Variants in PLOD3 observed in about 807,000 individuals in gnomAD.
PLOD3 encodes multifunctional procollagen lysine hydroxylase and glycosyltransferase LH3.
A neutral mutation model predicts 96.9 loss-of-function variants in PLOD3; 73 were observed. The ratio of observed to expected loss-of-function variants is 0.75; its 90% CI spans 0.62 to 0.92. The LOEUF is 0.92. PLOD3 is among the 40% of genes least tolerant of loss of function. The pLI, the probability that PLOD3 is intolerant of heterozygous loss-of-function variation, is 0.00. For missense variants in PLOD3, 1,004 were observed against 1,004.3 expected (o/e 1.00, Z 0.00); for synonymous variants, 454 against 413.7 (o/e 1.10, Z -1.18).
chr7:101,211,630 C>T lies in PLOD3; in HGVS notation c.1319G>A (p.Arg440His), dbSNP rs368088563. The change falls in exon 12 of 19, where the codon CGC (arginine) becomes CAC (histidine). Residue 440 changes from arginine to histidine, a missense_variant. Around this residue, in one of 5 missense-constraint regions of PLOD3, gnomAD observed 690 missense variants for 650.2 expected, o/e 1.06. Transcript: ENST00000223127. The part of the protein sequence containing the change: ...GALSPDEYYA[R>H]SEDYVELVQR... ...CACCAGCTCCACGTAGTCCTCGGAG[C>T]GGGCGTAGTACTCATCGGGGCTCAG... 3.1e-5 allele frequency: 49 copies of T among 1,606,276 alleles called. No homozygotes were observed. Among genetic ancestry groups the T allele is most frequent in the South Asian group, 4.5e-5 (4 of 89,536 alleles).
At chr7:101,209,503 G>A (rs149056229) in intron 15 of PLOD3, among the ~76,000 whole-genome samples, 4,330 of 150,002 alleles carry the variant, frequency 0.029, 223 homozygotes, top group African/African-American at 0.1. Flanking sequence ...TCAGCCTCCC[G>A]AGTAGCTGGG....
rs1260656876 is a variant in PLOD3 at position 101,209,572 on chromosome 7, T to C, written c.1683+521A>G. 1.9e-5 allele frequency among the ~76,000 whole-genome samples: 2 copies of C among 105,586 alleles called. 1 individual carries two copies. The highest frequency in any genetic ancestry group is 9.2e-3 in the Middle Eastern group (2 of 218). 69.3% of individuals were successfully genotyped at this position (105,586 alleles called of 152,430 possible). A position where few individuals can be genotyped will look rare whatever the true frequency, so the allele number is the denominator to read the frequency against. ...TTTGTGTTTTTTTTTTTTTTTTTTTTGGTAGAGACAGGATTTGCCATGTTG... is the reference window on the plus strand; with the variant it reads ...TTTGTGTTTTTTTTTTTTTTTTTTTCGGTAGAGACAGGATTTGCCATGTTG... On this transcript the variant is annotated intron_variant, in intron 15 of 18. Coordinates refer to ENST00000223127, the MANE Select transcript of PLOD3 (RefSeq NM_001084.5).
rs769232014 is a variant in PLOD3, at chr7:101,216,015, T to C, written c.508A>G (p.Ile170Val). The C allele has an allele frequency of 1.9e-6, 3 of 1,613,832 alleles. No individual in the cohort carries two copies. The highest frequency in any genetic ancestry group is 1.3e-5 in the African/African-American group (1 of 74,910). The part of the protein sequence containing the change: ...GKRFLNSGGF[I>V]GFATTIHQIV... ...TGGTGGATGGTGGTGGCAAAACCGA[T>C]GAATCCTGGCGGGGAGGGGGAGTGT... The change falls in exon 5 of 19, where the codon ATC becomes GTC. Residue 170 changes from isoleucine to valine, a missense_variant. Ile to Val is a conservative substitution (Grantham distance 29, BLOSUM62 3). Coordinates refer to ENST00000223127, the MANE Select transcript of PLOD3 (RefSeq NM_001084.5).
Position 101,216,155 on chromosome 7 carries a change from C to A in PLOD3, c.502+8G>T. 2 of 1,614,054 alleles carry A rather than the reference C, an allele frequency of 1.2e-6. No homozygotes were observed. The highest frequency in any genetic ancestry group is 1.7e-6 in the Non-Finnish European group (2 of 1,180,004). ...TGGCCCCTCTGCCTTGGGCACTCTGCCACTCACCACCAGAATTGAGGAAGC... is the reference window on the plus strand; with the variant it reads ...TGGCCCCTCTGCCTTGGGCACTCTGACACTCACCACCAGAATTGAGGAAGC... On this transcript the variant is annotated splice_region_variant and intron_variant, in intron 4 of 18. Transcript: ENST00000223127.
In PLOD3 at chr7:101,206,580, C is replaced by T. The variant is rs1039080429; in HGVS notation, c.2062-144G>A. 21 of 1,005,894 alleles carry T rather than the reference C, an allele frequency of 2.1e-5. 1 individual carries two copies. Among genetic ancestry groups the T allele is most frequent in the South Asian group, 1.5e-4 (11 of 72,840 alleles). 62.3% of individuals were successfully genotyped at this position (1,005,894 alleles called of 1,614,324 possible). On this transcript the variant is annotated intron_variant, in intron 18 of 18. Transcript: ENST00000223127. ...GGGAGATGGCAGATATGGCAGACAC[C>T]GGAGGCTGGGGTGCCTGCAGACAGG...
intron 5 of PLOD3, 72 bp from the exon 6 acceptor site, chr7:101,215,224 C>T: frequency 8.7e-7 from 1 of 1,154,946 alleles, no homozygotes; most frequent in Admixed American, 1.7e-5. Context: ...TCACTTTTCT[C>T]TCTCTTTTTT....
Position 101,210,225 on chromosome 7 carries a change from C to T in PLOD3, c.1615-64G>A. 3.4e-6 allele frequency: 5 copies of T among 1,480,422 alleles called. No homozygotes were observed. In the South Asian group the frequency reaches 4.7e-5, roughly 14 times the overall value. The allele number at this position is 1,480,422 out of a possible 1,614,324, so 91.7% of individuals were successfully genotyped here. A position where few individuals can be genotyped will look rare whatever the true frequency, so the allele number is the denominator to read the frequency against. On this transcript the variant is annotated intron_variant, in intron 14 of 18. Transcript: ENST00000223127. The stretch of plus-strand genomic sequence containing the variant: ...CTCGCTCCCAGCCCCCAGGGGACCG[C>T]CCCCTCCCACTCAGTGTCCTGCGCT...
intron 16 of PLOD3, among the ~76,000 whole-genome samples, chr7:101,208,156 G>A (rs879315897): frequency 3.9e-5 from 6 of 152,028 alleles, no homozygotes; most frequent in African/African-American, 1.2e-4. Context: ...GGAGTACTGC[G>A]GCATGATCAT....
Position 101,210,551 on chromosome 7 carries a change from C to T in PLOD3, c.1481G>A (p.Cys494Tyr). 1.2e-6 allele frequency: 2 copies of T among 1,614,240 alleles called. No individual in the cohort carries two copies. Among genetic ancestry groups the T allele is most frequent in the Middle Eastern group, 1.6e-4 (1 of 6,062 alleles). ...GSDTDPDMAF[C>Y]KSFRDKGIFL... ...GCTCACCTTGTCTCGAAAGCTCTTA[C>T]AGAAGGCCATGTCCGGGTCTGTGTC... Residue 494 changes from cysteine to tyrosine, a missense_variant, in exon 13 of 19, where the codon TGT becomes TAT. Physicochemically the swap from Cys to Tyr is radical, Grantham distance 194 (BLOSUM62 -2). Around this residue, in one of 5 missense-constraint regions of PLOD3, gnomAD observed 23 missense variants for 45.7 expected, o/e 0.50. Transcript: ENST00000223127.
chr7:101,208,492 C>T (rs1333101815), intron 16 of PLOD3: 4 of 348,546 alleles, frequency 1.1e-5, no homozygotes, highest in South Asian at 4.4e-5. Flanking sequence ...CCACCTGCCT[C>T]GGCCTCCCAA....
intron 18 of PLOD3, 68 bp from the exon 19 acceptor site, chr7:101,206,504 G>A (rs895726109): frequency 6.2e-6 from 9 of 1,454,262 alleles, no homozygotes; most frequent in African/African-American, 4.2e-5. Flanking sequence ...GCAGATACAC[G>A]GGGCAGGGCG....
intron 1 of PLOD3, 109 bp downstream of exon 1, chr7:101,217,057 C>T (rs2116813249): frequency 1.7e-6 from 2 of 1,205,362 alleles, no homozygotes; most frequent in Non-Finnish European, 1.1e-6. Flanking sequence ...GCACGCTGGG[C>T]GGGGGACGGG....
At chr7:101,206,459 A>T (rs1375279443) in intron 18 of PLOD3, 23 bp from the exon 19 acceptor site, 1 of 1,574,810 alleles carries the variant, frequency 6.3e-7, no homozygotes, top group Admixed American at 1.9e-5. Flanking sequence ...GGGAAAGGAA[A>T]CATGGAGTGA....
Position 101,215,154 on chromosome 7 carries a change from TA to T in PLOD3, c.616-3del. ...ATCCAGATTAAGGCTGAGTTTCTCCTAAATGGAATGAGATGCGATGGAGTGG... is the reference window on the plus strand; with the variant it reads ...ATCCAGATTAAGGCTGAGTTTCTCCTAATGGAATGAGATGCGATGGAGTGG... On this transcript the variant is annotated splice_polypyrimidine_tract_variant and splice_region_variant and intron_variant, in intron 5 of 18. Transcript: ENST00000223127. 1 of 1,603,962 alleles carries T rather than the reference TA, an allele frequency of 6.2e-7. No homozygotes were observed. The highest frequency in any genetic ancestry group is 8.5e-7 in the Non-Finnish European group (1 of 1,170,706).
In PLOD3 at chr7:101,212,823, C is replaced by T. The variant is rs1337320245; in HGVS notation, c.879+19G>A. ...AGCACGCTGCCCTCTCGTGCCCCTC[C>T]CTGGCACCCCCACCTCACCTGCCCC... On this transcript the variant is annotated intron_variant, in intron 8 of 18. Transcript: ENST00000223127. 8 of 1,595,562 alleles carry T rather than the reference C, an allele frequency of 5.0e-6. No individual in the cohort carries two copies. Among genetic ancestry groups the T allele is most frequent in the Non-Finnish European group, 6.9e-6 (8 of 1,164,346 alleles).
At position 101,207,662 on chromosome 7, in the gene PLOD3, C is replaced by A. The variant is rs1379433531; in HGVS notation, c.1851G>T (p.Val617=). The A allele has an allele frequency of 6.2e-7, 1 of 1,613,964 alleles. No individual in the cohort carries two copies. The highest frequency in any genetic ancestry group is 1.7e-5 in the Admixed American group (1 of 59,988). The part of the protein sequence containing the change: ...VPTVDIHMKQ[V]GYEDQWLQLL... ...GCTGCAGCCACTGGTCCTCGTACCCCACCTGCTTCATGTGGATGTCCACGG... is the reference window on the plus strand; with the variant it reads ...GCTGCAGCCACTGGTCCTCGTACCCAACCTGCTTCATGTGGATGTCCACGG... Residue 617 remains valine (V), a synonymous_variant, in exon 17 of 19, where the codon GTG becomes GTT. Transcript: ENST00000223127.
At chr7:101,210,760 G>T in intron 12 of PLOD3, 87 bp from the exon 13 acceptor site, 1 of 1,484,980 alleles carries the variant, frequency 6.7e-7, no homozygotes, top group Non-Finnish European at 9.3e-7. Flanking sequence ...TTCCCTCAGG[G>T]TATCCCAGTC....
chr7:101,217,064 C>A, intron 1 of PLOD3, 102 bp downstream of exon 1: 1 of 1,247,812 alleles, frequency 8.0e-7, no homozygotes, highest in Middle Eastern at 2.6e-4. Context: ...GGGCGGGGGA[C>A]GGGCCAGACA....
In PLOD3 at chr7:101,206,424, G is replaced by A. The variant is rs776689472; in HGVS notation, c.2074C>T (p.Arg692Cys). 1.9e-5 allele frequency: 30 copies of A among 1,607,820 alleles called. No homozygotes were observed. Among genetic ancestry groups the A allele is most frequent in the African/African-American group, 4.0e-5 (3 of 74,786 alleles). The stretch of plus-strand genomic sequence containing the variant: ...ATCACACAGTCGTAGCGCAGGAAGC[G>A]GCAGCCACCTCCCTGGAAAGAGAAG... ...KGLDYEGGGC[R>C]FLRYDCVISS... is the part of the protein sequence containing the mutation. The change falls in exon 19 of 19, where the codon CGC (arginine) becomes TGC (cysteine). Residue 692 changes from arginine (R) to cysteine (C), a missense_variant. By Grantham distance (180) the Arg-to-Cys change is radical. Transcript: ENST00000223127.
Sources: allele counts gnomAD v4.1 joint callset (sites outside exome capture counted in the v4.1 genomes callset), GRCh38; gene constraint gnomAD v4.1.1; regional missense constraint gnomAD v4.1.1; transcripts MANE v1.5; gene names NCBI Gene and HGNC (gene_info 2026-07-23, HGNC 2026-07-21).